The following HEPH variants were observed in gnomAD, a reference collection of about 807,000 sequenced individuals.
HEPH encodes hephaestin.
A neutral mutation model predicts 80.8 loss-of-function variants in HEPH; 69 were observed. That is an observed-to-expected ratio of 0.85 (90% CI 0.70 to 1.04). The LOEUF (loss-of-function observed/expected upper bound fraction) is 1.04, where lower values mean the gene tolerates loss of function less well. Ranked by LOEUF, HEPH falls within the 50% of genes least tolerant of loss-of-function variation. The probability of loss-of-function intolerance (pLI) is 0.00; values close to 1 mark genes in which losing one functional copy is unlikely to be tolerated. For synonymous variants in HEPH, 431 were observed against 322.8 expected (o/e 1.34, Z -3.60); for missense variants, 1,115 against 891.3 (o/e 1.25, Z -3.20).
chrX:66,217,827 T>G (rs1243145452), intron 15 of HEPH, among the ~76,000 whole-genome samples: 1 of 110,901 alleles, frequency 9.0e-6, no homozygotes, highest in African/African-American at 3.3e-5. Context: ...AAACTTAAGG[T>G]AAAAGGGGGG....
intron 20 of HEPH, 95 bp downstream of exon 20, chrX:66,263,783 T>C (rs2091441193): frequency 2.4e-6 from 2 of 837,900 alleles, no homozygotes; most frequent in Non-Finnish European, 3.5e-6. Flanking sequence ...CTTATGTGAC[T>C]GAGAGTTAGA....
intron 15 of HEPH, among the ~76,000 whole-genome samples, chrX:66,245,669 G>T (rs1259480531): frequency 1.8e-5 from 2 of 111,486 alleles, no homozygotes; most frequent in Non-Finnish European, 1.9e-5. Context: ...CAAATCAAAA[G>T]AATATACATT....
In HEPH at chrX:66,266,920, G is replaced by A. The variant is rs757300448; in HGVS notation, c.*248G>A. 66 of 323,582 alleles carry A rather than the reference G, an allele frequency of 2.0e-4. No individual in the cohort carries two copies. Among genetic ancestry groups the A allele is most frequent in the South Asian group, 8.8e-4 (10 of 11,324 alleles). The allele number at this position is 323,582 out of a possible 1,213,427, so 26.7% of individuals were successfully genotyped here. ...AGGGAGTACCTTATTATCCTACATC[G>A]CAAATTTCAACAGCTACATTATATT... is the stretch of plus-strand genomic sequence containing the variant. On this transcript the variant is annotated 3_prime_UTR_variant, in exon 21 of 21. Coordinates refer to ENST00000343002, the MANE Select transcript of HEPH (RefSeq NM_001367233.3).
chrX:66,207,460 G>A, intron 14 of HEPH, 126 bp downstream of exon 14: 2 of 461,052 alleles, frequency 4.3e-6, no homozygotes, highest in Non-Finnish European at 3.3e-6. Context: ...CTGGAATTAT[G>A]GAATATTTTA....
downstream of HEPH, chrX:66,267,810 A>G (rs1304222837): frequency 9.0e-6 from 1 of 111,093 alleles, no homozygotes; most frequent in African/African-American, 3.3e-5. Context: ...TTCCTTTGTT[A>G]CATGCAAATT....
chrX:66,260,463 A>G (rs2091325639), intron 19 of HEPH, among the ~76,000 whole-genome samples: 1 of 111,023 alleles, frequency 9.0e-6, no homozygotes, highest in Non-Finnish European at 1.9e-5. Flanking sequence ...CATTGCCCCA[A>G]CTGATATTTC....
At chrX:66,247,560 GT>G (rs2090858939) in intron 15 of HEPH, among the ~76,000 whole-genome samples, 1 of 110,754 alleles carries the variant, frequency 9.0e-6, no homozygotes, top group Non-Finnish European at 1.9e-5. Flanking sequence ...TTCAGATATG[GT>G]TTTAAGTTTT....
At position 66,203,463 on chromosome X, in the gene HEPH, G is replaced by A. The variant is rs147508373; in HGVS notation, c.2177G>A (p.Arg726His). ...SQCPGHQATP[R>H]QRYQAARIYY... ...TGTCCTGGCCACCAAGCCACCCCTCGCCAACGCTACCAAGCTGCAAGAATC... is the reference window on the plus strand; with the variant it reads ...TGTCCTGGCCACCAAGCCACCCCTCACCAACGCTACCAAGCTGCAAGAATC... Residue 726 changes from arginine (R) to histidine (H), a missense_variant, in exon 13 of 21, where the codon CGC becomes CAC. Physicochemically the swap from Arg to His is conservative, Grantham distance 29 (BLOSUM62 0). Around this residue, in one of 3 missense-constraint regions of HEPH, gnomAD observed 716 missense variants for 523.5 expected, o/e 1.37. Transcript: ENST00000343002. The A allele has an allele frequency of 1.6e-5, 19 of 1,208,510 alleles. No homozygotes were observed. In the African/African-American group the frequency reaches 2.3e-4, roughly 15 times the overall value.
upstream of HEPH, chrX:66,162,724 G>T (rs1219902155): frequency 8.7e-7 from 1 of 1,155,797 alleles, no homozygotes; most frequent in African/African-American, 1.8e-5. Flanking sequence ...ATCTCTAGTG[G>T]TTTATGACCC....
At chrX:66,170,834 G>A in intron 2 of HEPH, 97 bp downstream of exon 2, 1 of 742,532 alleles carries the variant, frequency 1.3e-6, no homozygotes, top group Non-Finnish European at 2.0e-6. Flanking sequence ...GGGTGTGGTA[G>A]CAGCCAGCTC....
At chrX:66,186,485 C>T (rs1188636912) in intron 4 of HEPH, among the ~76,000 whole-genome samples, 2 of 112,540 alleles carry the variant, frequency 1.8e-5, no homozygotes, top group African/African-American at 6.5e-5. Context: ...TCCATCACCC[C>T]TTTCTTTGAC....
intron 15 of HEPH, among the ~76,000 whole-genome samples, chrX:66,225,782 A>G (rs2089860565): frequency 8.9e-6 from 1 of 112,910 alleles, no homozygotes; most frequent in Admixed American, 9.3e-5. Context: ...TAAGCCGCCT[A>G]AGGGGCTGCC....
chrX:66,188,172 C>T (rs1185688606), intron 4 of HEPH, among the ~76,000 whole-genome samples, 187 bp from the exon 5 acceptor site: 1 of 111,693 alleles, frequency 9.0e-6, no homozygotes, highest in Non-Finnish European at 1.9e-5. Context: ...CTAGGTTCAA[C>T]TGAATTGGTG....
intron 15 of HEPH, among the ~76,000 whole-genome samples, chrX:66,216,382 G>A (rs1341673548): frequency 8.9e-6 from 1 of 112,044 alleles, no homozygotes; most frequent in African/African-American, 3.2e-5. Context: ...ATCCATGGCT[G>A]AGAGACATGA....
intron 15 of HEPH, among the ~76,000 whole-genome samples, chrX:66,215,043 A>T (rs1008383015): frequency 2.7e-5 from 3 of 111,612 alleles, no homozygotes; most frequent in Non-Finnish European, 5.7e-5. Context: ...CATTAAATTT[A>T]TAGATTAATT....
intron 15 of HEPH, among the ~76,000 whole-genome samples, chrX:66,211,548 G>C (rs1602359024): frequency 1.8e-5 from 2 of 110,964 alleles, no homozygotes; most frequent in Admixed American, 1.9e-4. Context: ...ACTTCCATAT[G>C]ATCAAATTTT....
chrX:66,219,116 A>G (rs1172336651), intron 15 of HEPH, among the ~76,000 whole-genome samples: 1 of 111,998 alleles, frequency 8.9e-6, no homozygotes, highest in Admixed American at 9.4e-5. Context: ...CATATAGTAC[A>G]CTTGTGCCGA....
intron 15 of HEPH, among the ~76,000 whole-genome samples, chrX:66,236,278 G>T (rs868411483): frequency 9.0e-6 from 1 of 111,350 alleles, no homozygotes; most frequent in African/African-American, 3.3e-5. Flanking sequence ...ATTATTTTGA[G>T]ATATGTTACC....
At chrX:66,198,025 C>T in intron 10 of HEPH, 131 bp downstream of exon 10, 2 of 536,943 alleles carry the variant, frequency 3.7e-6, no homozygotes, top group Non-Finnish European at 6.1e-6. Flanking sequence ...GCTGGTCCAT[C>T]AGAAATTAAT....
Sources: gnomAD v4.1 joint callset for allele counts (sites outside exome capture counted in the v4.1 genomes callset) on GRCh38, gnomAD v4.1.1 for gene constraint, gnomAD v4.1.1 regional missense constraint, MANE v1.5 for transcripts, NCBI Gene and HGNC (gene_info 2026-07-23, HGNC 2026-07-21) for gene names.